The following OPHN1 variants were observed in gnomAD, a reference collection of about 807,000 sequenced individuals.
OPHN1 encodes the protein oligophrenin-1.
OPHN1 carries 11 observed loss-of-function variants against 60.7 expected under a neutral mutation model. The observed-to-expected ratio is 0.18, with a 90% CI of 0.11 to 0.30. The LOEUF (loss-of-function observed/expected upper bound fraction) is 0.30, where lower values mean the gene tolerates loss of function less well. Ranked by LOEUF, OPHN1 falls within the 10% of genes least tolerant of loss-of-function variation. The pLI is 1.00. For synonymous variants in OPHN1, 226 were observed against 222.6 expected (o/e 1.02, Z -0.14); for missense variants, 449 against 611.0 (o/e 0.73, Z 2.80).
intron 18 of OPHN1, among the ~76,000 whole-genome samples, chrX:68,104,138 C>T (rs1205633098): frequency 9.0e-6 from 1 of 111,505 alleles, no homozygotes; most frequent in Non-Finnish European, 1.9e-5. Context: ...AGGAGAACTA[C>T]AAACTGCCAC....
At chrX:68,306,312 C>T (rs2078144977) in intron 2 of OPHN1, among the ~76,000 whole-genome samples, 1 of 112,331 alleles carries the variant, frequency 8.9e-6, no homozygotes, top group African/African-American at 3.2e-5. Context: ...GCATCAAGCT[C>T]TCTCTGCTTT....
chrX:68,324,514 T>C (rs1007794632), intron 2 of OPHN1, among the ~76,000 whole-genome samples: 12 of 105,344 alleles, frequency 1.1e-4, no homozygotes, highest in Non-Finnish European at 2.1e-4. Context: ...GAGGCTGACG[T>C]GGGAGGAGGA....
chrX:68,337,786 C>T (rs1214692465), intron 2 of OPHN1, among the ~76,000 whole-genome samples: 19 of 89,380 alleles, frequency 2.1e-4, no homozygotes, highest in African/African-American at 8.8e-4. Flanking sequence ...GGACAAAATA[C>T]ACTCCAAACC....
chrX:68,178,206 CTTTAA>C (rs1011680483), intron 15 of OPHN1, among the ~76,000 whole-genome samples: 6 of 111,426 alleles, frequency 5.4e-5, no homozygotes, highest in South Asian at 3.8e-4. Flanking sequence ...CATATCAACC[CTTTAA>C]TTTATTTTTT....
In OPHN1 at chrX:68,054,572, AC is replaced by A. The variant is rs1292762905; in HGVS notation, c.2159-763del. ...ATCCAAGAGGCAAAAAAACAAAAAA[AC>A]AAAACAAAACAAAAAAAACACTTAA... On this transcript the variant is annotated intron_variant, in intron 21 of 24. Coordinates refer to ENST00000355520, the MANE Select transcript of OPHN1 (RefSeq NM_002547.3). Among the ~76,000 whole-genome samples, 3 of 111,736 alleles carry A rather than the reference AC, an allele frequency of 2.7e-5. 1 individual carries two copies. Among genetic ancestry groups the A allele is most frequent in the African/African-American group, 6.5e-5 (2 of 30,717 alleles).
chrX:68,180,897 C>T (rs1289830745), intron 15 of OPHN1, among the ~76,000 whole-genome samples: 1 of 111,336 alleles, frequency 9.0e-6, no homozygotes, highest in African/African-American at 3.3e-5. Flanking sequence ...GAACATCTCT[C>T]AAATGGGTTT....
At chrX:68,094,022 A>G (rs756403623) in intron 19 of OPHN1, among the ~76,000 whole-genome samples, 3 of 110,050 alleles carry the variant, frequency 2.7e-5, no homozygotes, top group Admixed American at 9.7e-5. Flanking sequence ...ATCTTCTACA[A>G]GTTTTAGTTT....
At chrX:68,337,322 T>C (rs2078328791) in intron 2 of OPHN1, among the ~76,000 whole-genome samples, 1 of 111,479 alleles carries the variant, frequency 9.0e-6, no homozygotes, top group Non-Finnish European at 1.9e-5. Flanking sequence ...TATTGTTCGA[T>C]TTTTAAATAT....
chrX:68,187,921 C>A (rs1332953290), intron 15 of OPHN1, among the ~76,000 whole-genome samples: 1 of 111,861 alleles, frequency 8.9e-6, no homozygotes, highest in Non-Finnish European at 1.9e-5. Flanking sequence ...GCCACCGTGC[C>A]CAGCCAAATA....
At chrX:68,256,353 C>T (rs2077863430) in intron 5 of OPHN1, among the ~76,000 whole-genome samples, 1 of 111,660 alleles carries the variant, frequency 9.0e-6, no homozygotes, top group African/African-American at 3.3e-5. Context: ...GCTTGCTTGT[C>T]TATGTCTGCA....
At chrX:68,090,023 T>C (rs957489733) in intron 19 of OPHN1, among the ~76,000 whole-genome samples, 1 of 112,287 alleles carries the variant, frequency 8.9e-6, no homozygotes, top group Admixed American at 9.5e-5. Flanking sequence ...CCAGATTCAA[T>C]TGAGAATGTT....
intron 15 of OPHN1, among the ~76,000 whole-genome samples, chrX:68,142,852 C>T (rs909594924): frequency 8.9e-6 from 1 of 111,962 alleles, no homozygotes; most frequent in Non-Finnish European, 1.9e-5. Flanking sequence ...AATTACATAG[C>T]TTAAAAAACT....
At chrX:68,052,652 C>A (rs2076857097) in intron 22 of OPHN1, 62 bp from the exon 23 acceptor site, 3 of 1,030,237 alleles carry the variant, frequency 2.9e-6, no homozygotes, top group Non-Finnish European at 4.1e-6. Context: ...GAACCAATGG[C>A]CAACAGAAAG....
chrX:68,411,876 A>T (rs1239718912), intron 2 of OPHN1, among the ~76,000 whole-genome samples: 2 of 110,831 alleles, frequency 1.8e-5, no homozygotes, highest in Non-Finnish European at 3.8e-5. Flanking sequence ...ATTTTCCGAG[A>T]TTTTCTTCCA....
chrX:68,052,739 G>A, intron 22 of OPHN1, 149 bp from the exon 23 acceptor site: 1 of 524,376 alleles, frequency 1.9e-6, no homozygotes, highest in Non-Finnish European at 3.3e-6. Flanking sequence ...ACATACAAAT[G>A]TGAAATGGCC....
chrX:68,061,153 T>C (rs748504341), intron 21 of OPHN1, among the ~76,000 whole-genome samples: 1 of 112,149 alleles, frequency 8.9e-6, no homozygotes, highest in East Asian at 2.8e-4. Context: ...TGCCAGCCTG[T>C]TGCTAACTGA....
At chrX:68,276,076 T>C (rs2077990682) in intron 4 of OPHN1, among the ~76,000 whole-genome samples, 1 of 111,953 alleles carries the variant, frequency 8.9e-6, no homozygotes, top group Admixed American at 9.5e-5. Flanking sequence ...AGTCATTCTC[T>C]ATGTCTCCTG....
chrX:68,078,243 T>C (rs1045801096), intron 19 of OPHN1, among the ~76,000 whole-genome samples: 3 of 111,217 alleles, frequency 2.7e-5, no homozygotes, highest in Non-Finnish European at 5.6e-5. Context: ...GGAATCCTGC[T>C]AAACATCCAA....
intron 15 of OPHN1, among the ~76,000 whole-genome samples, chrX:68,140,201 T>C (rs2077236422): frequency 9.0e-6 from 1 of 111,589 alleles, no homozygotes; most frequent in South Asian, 3.8e-4. Context: ...CCATACAGGG[T>C]CACTGGATAC....
Sources: gnomAD v4.1 joint callset for allele counts (sites outside exome capture counted in the v4.1 genomes callset) on GRCh38, gnomAD v4.1.1 for gene constraint, MANE v1.5 for transcripts, NCBI Gene and HGNC (gene_info 2026-07-23, HGNC 2026-07-21) for gene names.